The following SRRM4 variants were observed in gnomAD, a reference collection of about 807,000 sequenced individuals.
The protein encoded by SRRM4 is serine/arginine repetitive matrix protein 4.
A neutral mutation model predicts 68.9 loss-of-function variants in SRRM4; 33 were observed. That is an observed-to-expected ratio of 0.48 (90% CI 0.36 to 0.64). The LOEUF (loss-of-function observed/expected upper bound fraction) is 0.64, where lower values mean the gene tolerates loss of function less well. SRRM4 is among the 30% of genes least tolerant of loss of function. The probability of loss-of-function intolerance (pLI) is 0.00; values close to 1 mark genes in which losing one functional copy is unlikely to be tolerated. For missense variants in SRRM4, 817 were observed against 827.1 expected, an observed-to-expected ratio of 0.99 and a Z score of 0.15; for synonymous variants, 318 against 318.8, an observed-to-expected ratio of 1.00 and a Z score of 0.03.
chr12:119,065,859 G>GGGT (rs1481764645), intron 1 of SRRM4, among the ~76,000 whole-genome samples: 11 of 150,972 alleles, frequency 7.3e-5, no homozygotes, highest in Non-Finnish European at 1.3e-4. Flanking sequence ...ATGCATAAAT[G>GGGT]GGTGGATGGG....
In SRRM4 at chr12:119,145,464, C is replaced by T. The variant is rs201517536; in HGVS notation, c.855C>T (p.Tyr285=). The part of the protein sequence containing the change: ...LTTSRGRSQE[Y]DSGNDTSSPP... The stretch of plus-strand genomic sequence containing the variant: ...CCTCGCGAGGACGTTCCCAGGAGTA[C>T]GACTCAGGAAATGACACGTCCTCGC... Residue 285 remains tyrosine, a synonymous_variant, in exon 9 of 13, where the codon TAC becomes TAT. Coordinates refer to ENST00000267260, the MANE Select transcript of SRRM4 (RefSeq NM_194286.4). 1.2e-5 allele frequency: 19 copies of T among 1,609,650 alleles called. No individual in the cohort carries two copies. Among genetic ancestry groups the T allele is most frequent in the African/African-American group, 5.3e-5 (4 of 74,924 alleles).
intron 3 of SRRM4, among the ~76,000 whole-genome samples, chr12:119,116,146 T>C (rs1213505295): frequency 3.3e-5 from 5 of 152,212 alleles, no homozygotes; most frequent in Non-Finnish European, 1.5e-5. Flanking sequence ...ATTGAATTTG[T>C]AACCTCTCAT....
intron 1 of SRRM4, among the ~76,000 whole-genome samples, chr12:119,066,518 C>T (rs2136024131): frequency 6.6e-6 from 1 of 152,258 alleles, no homozygotes; most frequent in South Asian, 2.1e-4. Flanking sequence ...TCCTTGGTTC[C>T]CAGCCCAGAC....
chr12:119,125,535 A>G, intron 7 of SRRM4, 56 bp downstream of exon 7: 1 of 1,455,090 alleles, frequency 6.9e-7, no homozygotes, highest in East Asian at 2.3e-5. Context: ...CCAGGCTAAG[A>G]CACTGTTAAC....
chr12:119,160,801 G>C lies in SRRM4; in HGVS notation c.*4003G>C, dbSNP rs1480984701. 1.3e-5 allele frequency: 2 copies of C among 152,194 alleles called. No individual in the cohort carries two copies. Among genetic ancestry groups the C allele is most frequent in the Non-Finnish European group, 2.9e-5 (2 of 68,044 alleles). 9.4% of individuals were successfully genotyped at this position (152,194 alleles called of 1,614,324 possible). On this transcript the variant is annotated 3_prime_UTR_variant, in exon 13 of 13. Coordinates refer to ENST00000267260, the MANE Select transcript of SRRM4 (RefSeq NM_194286.4). ...AAAAGAGCCTCAAACATTTTTAGGA[G>C]GTTGTCCATCATGAAAGTAAAAACG... is the stretch of plus-strand genomic sequence containing the variant.
At chr12:119,062,128 G>A (rs1953816444) in intron 1 of SRRM4, among the ~76,000 whole-genome samples, 1 of 152,182 alleles carries the variant, frequency 6.6e-6, no homozygotes, top group South Asian at 2.1e-4. Context: ...GAATTCTGTA[G>A]GCAACTGTAA....
rs1196545225 is a variant in SRRM4 at position 119,145,616 on chromosome 12, C to T, written c.1007C>T (p.Thr336Ile). Residue 336 changes from threonine (T) to isoleucine (I), a missense_variant, in exon 9 of 13, where the codon ACC (threonine) becomes ATC (isoleucine). By Grantham distance (89) the Thr-to-Ile change is moderately conservative (BLOSUM62 -1). Transcript: ENST00000267260. ...TCTGATTCAGGGAACTCCTTCACCA[C>T]CTCCTCACCCCAGAACAAGGGGGCC... ...NTSDSGNSFT[T>I]SSPQNKGAML... The T allele has an allele frequency of 2.6e-6, 4 of 1,559,064 alleles. No individual in the cohort carries two copies. In the East Asian group the frequency reaches 6.8e-5, roughly 26 times the overall value.
At chr12:119,082,385 T>C (rs1451553333) in intron 1 of SRRM4, among the ~76,000 whole-genome samples, 1 of 152,144 alleles carries the variant, frequency 6.6e-6, no homozygotes, top group African/African-American at 2.4e-5. Flanking sequence ...TTTGGGAAAA[T>C]GTGGACCTGT....
intron 1 of SRRM4, among the ~76,000 whole-genome samples, chr12:119,064,893 C>G (rs765672453): frequency 1.1e-4 from 17 of 152,130 alleles, no homozygotes; most frequent in Admixed American, 4.6e-4. Flanking sequence ...TAAAGTTCAG[C>G]TTCAGTTGAT....
At chr12:119,086,636 G>C (rs1358423567) in intron 1 of SRRM4, among the ~76,000 whole-genome samples, 1 of 152,166 alleles carries the variant, frequency 6.6e-6, no homozygotes, top group East Asian at 1.9e-4. Context: ...GATGCAGCAG[G>C]GCCCCTTCAT....
chr12:119,030,624 A>G (rs947057146), intron 1 of SRRM4, among the ~76,000 whole-genome samples: 1 of 152,174 alleles, frequency 6.6e-6, no homozygotes, highest in African/African-American at 2.4e-5. Flanking sequence ...TTCTCTATGC[A>G]TATCTGTATA....
rs549316925 is a variant in SRRM4, at chr12:119,148,701, C to T, written c.1077-2316C>T. On this transcript the variant is annotated intron_variant, in intron 9 of 12. Transcript: ENST00000267260. Reference sequence around the variant, plus strand: ...CCAGAATTCAAATACAAATATGTCCCCCAAACAGGAACTAAAGCCTGAGAG... The same window carrying T: ...CCAGAATTCAAATACAAATATGTCCTCCAAACAGGAACTAAAGCCTGAGAG... Among the ~76,000 whole-genome samples, 6 of 152,252 alleles carry T rather than the reference C, an allele frequency of 3.9e-5. No individual in the cohort carries two copies. The South Asian group carries it at 1.2e-3, about 32-fold the overall frequency.
Position 119,157,500 on chromosome 12 carries a change from G to C in SRRM4, c.*702G>C, listed in dbSNP as rs1174999542. On this transcript the variant is annotated 3_prime_UTR_variant, in exon 13 of 13. Coordinates refer to ENST00000267260, the MANE Select transcript of SRRM4 (RefSeq NM_194286.4). The surrounding 1 kb of genome is among the most constrained non-coding windows in gnomAD (Gnocchi z 4.1). ...GCTCCCAATACCTCAGCATGGTAAG[G>C]GGACAGAGCCCAGCAGATCCCAGCT... is the stretch of plus-strand genomic sequence containing the variant. 1 of 152,376 alleles carries C rather than the reference G, an allele frequency of 6.6e-6. No individual in the cohort carries two copies. The highest frequency in any genetic ancestry group is 2.4e-5 in the African/African-American group (1 of 41,430). The allele number at this position is 152,376 out of a possible 1,614,324, so 9.4% of individuals were successfully genotyped here.
intron 1 of SRRM4, among the ~76,000 whole-genome samples, chr12:119,038,453 C>A (rs1392656606): frequency 6.6e-6 from 1 of 152,092 alleles, no homozygotes; most frequent in Admixed American, 6.5e-5. Flanking sequence ...CCTCGTGATC[C>A]ACCCACCTCG....
At chr12:119,088,492 AATGT>A (rs1225451688) in intron 1 of SRRM4, among the ~76,000 whole-genome samples, 1 of 152,212 alleles carries the variant, frequency 6.6e-6, no homozygotes, top group Non-Finnish European at 1.5e-5. Context: ...TGCTTAGTTT[AATGT>A]ATATTTCCCA....
intron 1 of SRRM4, among the ~76,000 whole-genome samples, chr12:119,011,721 G>A (rs944756636): frequency 4.6e-5 from 7 of 152,246 alleles, no homozygotes; most frequent in Non-Finnish European, 1.0e-4. Flanking sequence ...GGAGGAGCAT[G>A]TGATTGGAGT....
intron 1 of SRRM4, among the ~76,000 whole-genome samples, chr12:118,986,390 G>T (rs1185744075): frequency 2.0e-5 from 3 of 152,176 alleles, no homozygotes; most frequent in Admixed American, 2.0e-4. Flanking sequence ...TACAGGGGTT[G>T]GTTGCAGGGG....
At chr12:119,070,545 A>G (rs1251875128) in intron 1 of SRRM4, among the ~76,000 whole-genome samples, 2 of 152,110 alleles carry the variant, frequency 1.3e-5, no homozygotes, top group Non-Finnish European at 2.9e-5. Flanking sequence ...GAAGAGCTCT[A>G]TTTTTATCTG....
At chr12:119,114,025 C>T (rs555194156) in intron 2 of SRRM4, 47 of 312,286 alleles carry the variant, frequency 1.5e-4, no homozygotes, top group African/African-American at 9.4e-4. Flanking sequence ...AGTAGTTAAC[C>T]TCTATAACTC....
Sources: gnomAD v4.1 joint callset for allele counts (sites outside exome capture counted in the v4.1 genomes callset) on GRCh38, gnomAD v4.1.1 for gene constraint, Gnocchi (gnomAD v3.1) non-coding constraint, MANE v1.5 for transcripts, NCBI Gene and HGNC (gene_info 2026-07-23, HGNC 2026-07-21) for gene names.